Variants in ATRX observed in about 807,000 individuals in gnomAD.
ATRX encodes chromatin remodeler ATRX.
A neutral mutation model predicts 172.6 loss-of-function variants in ATRX; 12 were observed. The observed-to-expected ratio is 0.07, with a 90% CI of 0.04 to 0.11. The LOEUF is 0.11. Among genes scored for constraint, ATRX ranks in the 10% least tolerant of loss-of-function variants. The pLI is 1.00. For missense variants in ATRX, 1,368 were observed against 1,767.4 expected (o/e 0.77, Z 4.05); for synonymous variants, 674 against 594.7 (o/e 1.13, Z -1.94).
In ATRX at chrX:77,506,897, CTTTTTT is replaced by C. The variant is rs139948612; in HGVS notation, c.*1448_*1453del. On this transcript the variant is annotated 3_prime_UTR_variant, in exon 35 of 35. Coordinates refer to ENST00000373344, the MANE Select transcript of ATRX (RefSeq NM_000489.6). ...TAAAGCAAAGCCCAAACCCAGTTTT[CTTTTTT>C]TTTTTTTTTTTTTTTTTTTTGGAAT... is the stretch of plus-strand genomic sequence containing the variant. 816 of 59,985 alleles carry C rather than the reference CTTTTTT, an allele frequency of 0.014. 7 individuals carry two copies. Among genetic ancestry groups the C allele is most frequent in the African/African-American group, 0.063 (745 of 11,888 alleles). 4.9% of individuals were successfully genotyped at this position (59,985 alleles called of 1,213,427 possible).
At chrX:77,573,560 T>C (rs1233774718) in intron 28 of ATRX, among the ~76,000 whole-genome samples, 30 of 111,925 alleles carry the variant, frequency 2.7e-4, no homozygotes, top group African/African-American at 9.7e-4. Context: ...CATGAAAAGA[T>C]GCTCAACATA....
chrX:77,599,300 G>A, intron 25 of ATRX, 111 bp downstream of exon 25: 2 of 866,799 alleles, frequency 2.3e-6, no homozygotes, highest in African/African-American at 2.0e-5. Context: ...CATCAATTGA[G>A]GAAAGATTCC....
intron 20 of ATRX, 40 bp from the exon 21 acceptor site, chrX:77,619,021 C>T (rs781789425): frequency 1.3e-4 from 130 of 1,000,226 alleles, no homozygotes; most frequent in Non-Finnish European, 1.7e-4. Flanking sequence ...CATTAACAAT[C>T]GTTAAAAAGA....
intron 1 of ATRX, among the ~76,000 whole-genome samples, chrX:77,737,077 A>G (rs1171939820): frequency 1.8e-5 from 2 of 109,609 alleles, no homozygotes; most frequent in African/African-American, 6.6e-5. Context: ...GGGGGGCAAG[A>G]TGTGGTGACG....
intron 19 of ATRX, among the ~76,000 whole-genome samples, chrX:77,631,459 G>C (rs1272231697): frequency 9.0e-6 from 1 of 111,098 alleles, no homozygotes; most frequent in Non-Finnish European, 1.9e-5. Context: ...AAAAGTAGCA[G>C]CTCTACAGGA....
At chrX:77,605,795 G>C (rs1458910664) in intron 22 of ATRX, among the ~76,000 whole-genome samples, 1 of 110,768 alleles carries the variant, frequency 9.0e-6, no homozygotes, top group Non-Finnish European at 1.9e-5. Flanking sequence ...AAGTAGAAAA[G>C]ATCAATGAAA....
intron 1 of ATRX, among the ~76,000 whole-genome samples, chrX:77,781,563 G>T (rs1421046553): frequency 9.2e-6 from 1 of 108,461 alleles, no homozygotes; most frequent in Non-Finnish European, 1.9e-5. Context: ...ATCTATTATT[G>T]ATAAATATTG....
chrX:77,750,991 C>T lies in ATRX; in HGVS notation c.21-33748G>A, dbSNP rs782731216. 3.6e-5 allele frequency among the ~76,000 whole-genome samples: 4 copies of T among 111,984 alleles called. No homozygotes were observed. In the South Asian group the frequency reaches 1.1e-3, roughly 31 times the overall value. ...TGTAAATAGTGCTGCAATAAACATA[C>T]AGGTACATGTGTCTTTATAGTAGAA... On this transcript the variant is annotated intron_variant, in intron 1 of 34. Transcript: ENST00000373344.
chrX:77,628,607 A>G (rs1349782583), intron 19 of ATRX, among the ~76,000 whole-genome samples: 2 of 111,902 alleles, frequency 1.8e-5, no homozygotes, highest in Non-Finnish European at 1.9e-5. Context: ...AAAGTTAACA[A>G]AATGTTGTCA....
At chrX:77,522,501 A>C in intron 31 of ATRX, 113 bp from the exon 32 acceptor site, 1 of 834,269 alleles carries the variant, frequency 1.2e-6, no homozygotes, top group Non-Finnish European at 1.8e-6. Context: ...AATTATTAAC[A>C]CTCTTCCACA....
intron 19 of ATRX, among the ~76,000 whole-genome samples, chrX:77,631,418 C>A (rs1281548119): frequency 9.0e-6 from 1 of 110,990 alleles, no homozygotes; most frequent in Non-Finnish European, 1.9e-5. Flanking sequence ...GATTGAGTGA[C>A]TGGATTCCAA....
At chrX:77,586,686 T>C (rs1376768782) in intron 27 of ATRX, among the ~76,000 whole-genome samples, 2 of 112,094 alleles carry the variant, frequency 1.8e-5, no homozygotes, top group Non-Finnish European at 3.8e-5. Flanking sequence ...TGTTGGTAAA[T>C]GATTTCTCCT....
intron 30 of ATRX, among the ~76,000 whole-genome samples, chrX:77,525,261 T>C (rs1051406053): frequency 1.6e-4 from 18 of 111,821 alleles, no homozygotes; most frequent in Non-Finnish European, 1.1e-4. Flanking sequence ...TTATCATCAC[T>C]AGATCAATCT....
chrX:77,668,622 G>A (rs1228978684), intron 10 of ATRX, among the ~76,000 whole-genome samples: 1 of 111,186 alleles, frequency 9.0e-6, no homozygotes, highest in East Asian at 2.8e-4. Flanking sequence ...GGGAGAGGGG[G>A]AGAAAGCAAA....
chrX:77,577,165 T>C (rs1294457785), intron 27 of ATRX, among the ~76,000 whole-genome samples: 2 of 111,467 alleles, frequency 1.8e-5, no homozygotes, highest in Non-Finnish European at 3.8e-5. Flanking sequence ...CTCATGGTAA[T>C]ACTATTTTTA....
At chrX:77,660,112 T>C (rs1002193990) in intron 12 of ATRX, among the ~76,000 whole-genome samples, 10 of 111,890 alleles carry the variant, frequency 8.9e-5, no homozygotes, top group Non-Finnish European at 1.3e-4. Context: ...TAATCATATA[T>C]ATTAAAAGGG....
chrX:77,640,639 G>GAT (rs782492579), intron 15 of ATRX, among the ~76,000 whole-genome samples: 1 of 110,668 alleles, frequency 9.0e-6, no homozygotes, highest in East Asian at 2.9e-4. Flanking sequence ...ACGGGACCCT[G>GAT]ATCCCTCAGA....
In ATRX at chrX:77,663,548, A is replaced by AT; in HGVS notation, c.3953dup (p.Asn1318LysfsTer6). On this transcript the variant is annotated frameshift_variant, in exon 12 of 35. Coordinates refer to ENST00000373344, the MANE Select transcript of ATRX (RefSeq NM_000489.6). LOFTEE classifies it high-confidence loss of function. ...CTGAATCTGATTCAGAATTGACTTG[A>AT]TTTTTTGCTTCTAAATGAAGGAAAT... The AT allele has an allele frequency of 8.3e-7, 1 of 1,204,386 alleles. No homozygotes were observed.
rs988479275 is a variant in ATRX, at chrX:77,520,737, G to C, written c.7200+51C>G. On this transcript the variant is annotated intron_variant, in intron 34 of 34. Coordinates refer to ENST00000373344, the MANE Select transcript of ATRX (RefSeq NM_000489.6). ...AGATGTCATACAAACTTATTATAAA[G>C]TCAAGAAAATTAAACATAACCTAGA... 6 of 1,172,850 alleles carry C rather than the reference G, an allele frequency of 5.1e-6. No individual in the cohort carries two copies. In the African/African-American group the frequency reaches 1.1e-4, roughly 21 times the overall value.
Sources: gnomAD v4.1 joint callset for allele counts (sites outside exome capture counted in the v4.1 genomes callset) on GRCh38, gnomAD v4.1.1 for gene constraint, MANE v1.5 for transcripts, NCBI Gene and HGNC (gene_info 2026-07-23, HGNC 2026-07-21) for gene names.